ZNF251: variants seen among roughly 807,000 people sequenced by gnomAD.
The protein encoded by ZNF251 is zinc finger protein 251.
A neutral mutation model predicts 13.5 loss-of-function variants in ZNF251; 14 were observed. That is an observed-to-expected ratio of 1.04 (90% confidence interval 0.69 to 1.63). The LOEUF (loss-of-function observed/expected upper bound fraction) is 1.63, where lower values mean the gene tolerates loss of function less well. ZNF251 is among the 40% of genes most tolerant of loss of function. The pLI, the probability that ZNF251 is intolerant of heterozygous loss-of-function variation, is 0.00. For synonymous variants in ZNF251, 287 were observed against 295.2 expected, an observed-to-expected ratio of 0.97 and a Z score of 0.28; for missense variants, 764 against 834.9, an observed-to-expected ratio of 0.92 and a Z score of 1.05.
intron 4 of ZNF251, among the ~76,000 whole-genome samples, chr8:144,724,144 T>G (rs1234052571): frequency 6.7e-6 from 1 of 150,248 alleles, no homozygotes; most frequent in Non-Finnish European, 1.5e-5. Flanking sequence ...CTCAGGAGGC[T>G]GAGGCAGGAG....
Position 144,722,017 on chromosome 8 carries a change from T to C in ZNF251, c.1643A>G (p.Asn548Ser). ...GCGCAGAATGAGATTTGCACCATGG[T>C]TAAAGGCTCTGCCGTGCTTCTCTCC... ...PTGEKHGRAF[N>S]HGANLILRWT... is the part of the protein sequence containing the mutation. Residue 548 changes from asparagine to serine, a missense_variant, in exon 5 of 5, where the codon AAC becomes AGC. Physicochemically the swap from Asn to Ser is conservative, Grantham distance 46. Transcript: ENST00000292562. The surrounding 1 kb of genome is among the most constrained non-coding windows in gnomAD (Gnocchi z 4.8). The C allele has an allele frequency of 1.2e-6, 2 of 1,603,856 alleles. No individual in the cohort carries two copies. Among genetic ancestry groups the C allele is most frequent in the African/African-American group, 1.3e-5 (1 of 74,866 alleles).
chr8:144,725,823 C>T (rs556278316), intron 4 of ZNF251, among the ~76,000 whole-genome samples: 20 of 152,156 alleles, frequency 1.3e-4, no homozygotes, highest in African/African-American at 4.8e-4. Context: ...TGTAAAATCC[C>T]TAAACAAAAT....
chr8:144,728,560 G>A (rs1469626886), intron 4 of ZNF251, among the ~76,000 whole-genome samples: 1 of 151,526 alleles, frequency 6.6e-6, no homozygotes, highest in African/African-American at 2.4e-5. Flanking sequence ...CTACCCGGGA[G>A]GCTGAGGCAG....
At chr8:144,745,009 T>C (rs1007906546) in intron 4 of ZNF251, among the ~76,000 whole-genome samples, 2 of 152,000 alleles carry the variant, frequency 1.3e-5, no homozygotes, top group Non-Finnish European at 2.9e-5. Context: ...TGAGCAGAGA[T>C]TGTGCTACAG....
At chr8:144,723,442 A>G (rs2129922742) in intron 4 of ZNF251, 60 bp from the exon 5 acceptor site, 1 of 1,284,610 alleles carries the variant, frequency 7.8e-7, no homozygotes, top group Non-Finnish European at 1.0e-6. Context: ...CATAATGTCC[A>G]TAATGTGGTA....
Position 144,722,408 on chromosome 8 carries a change from A to C in ZNF251, c.1252T>G (p.Ser418Ala). 1 of 1,613,950 alleles carries C rather than the reference A, an allele frequency of 6.2e-7. No homozygotes were observed. Among genetic ancestry groups the C allele is most frequent in the Non-Finnish European group, 8.5e-7 (1 of 1,179,906 alleles). Residue 418 changes from serine to alanine, a missense_variant, in exon 5 of 5, where the codon TCT becomes GCT. Coordinates refer to ENST00000292562, the MANE Select transcript of ZNF251 (RefSeq NM_138367.2). This position sits in a 1 kb window ranked among gnomAD's most constrained non-coding sequence, Gnocchi z 4.8. ...ATCCTTACGTGTTCAGTAAGATGAG[A>C]GTTAAAACCAAAGGCTCTGCCGCAT... ...NECGRAFGFN[S>A]HLTEHVRIHT...
At chr8:144,726,226 A>G (rs1367440637) in intron 4 of ZNF251, among the ~76,000 whole-genome samples, 1 of 148,338 alleles carries the variant, frequency 6.7e-6, no homozygotes, top group Non-Finnish European at 1.5e-5. Flanking sequence ...AAAAGAATGC[A>G]AAGTTAGTAT....
Position 144,736,511 on chromosome 8 carries a change from G to A in ZNF251, c.278-13129C>T, listed in dbSNP as rs565795057. ...TATTTATTTATTTATTTATTTTTGAGACAGAGTTTCGCTCTTGTTGCCCAG... is the reference window on the plus strand; with the variant it reads ...TATTTATTTATTTATTTATTTTTGAAACAGAGTTTCGCTCTTGTTGCCCAG... On this transcript the variant is annotated intron_variant, in intron 4 of 4. Coordinates refer to ENST00000292562, the MANE Select transcript of ZNF251 (RefSeq NM_138367.2). Among the ~76,000 whole-genome samples, 150 of 145,122 alleles carry A rather than the reference G, an allele frequency of 1.0e-3. 1 individual carries two copies. The Middle Eastern group carries it at 0.014, about 13-fold the overall frequency.
intron 4 of ZNF251, among the ~76,000 whole-genome samples, chr8:144,731,948 A>AT (rs59877504): frequency 0.015 from 2,093 of 141,950 alleles, 20 homozygotes; most frequent in Non-Finnish European, 0.024. Flanking sequence ...TGACAGCTGC[A>AT]TTTTTTTTTT....
intron 4 of ZNF251, among the ~76,000 whole-genome samples, chr8:144,739,071 C>T (rs190121853): frequency 5.3e-5 from 8 of 152,056 alleles, no homozygotes; most frequent in African/African-American, 1.7e-4. Context: ...GGGATGACAT[C>T]GCTCCAACTT....
intron 4 of ZNF251, among the ~76,000 whole-genome samples, chr8:144,729,422 C>A (rs1490101592): frequency 2.0e-5 from 3 of 150,566 alleles, no homozygotes; most frequent in South Asian, 2.1e-4. Context: ...CTGCAAGCTC[C>A]GCCTCCCGGG....
chr8:144,731,957 T>C (rs1026991954), intron 4 of ZNF251, among the ~76,000 whole-genome samples: 1 of 151,680 alleles, frequency 6.6e-6, no homozygotes, highest in Non-Finnish European at 1.5e-5. Flanking sequence ...CATTTTTTTT[T>C]TTTAAGACAG....
chr8:144,752,255 A>T (rs1824734810), intron 4 of ZNF251, among the ~76,000 whole-genome samples: 1 of 151,984 alleles, frequency 6.6e-6, no homozygotes. Flanking sequence ...ATTCTTTTTC[A>T]GTGCACGTGG....
rs373089651 is a variant in ZNF251, at chr8:144,722,441, A to C, written c.1219T>G (p.Cys407Gly). The change falls in exon 5 of 5, where the codon TGT (cysteine) becomes GGT (glycine). Residue 407 changes from cysteine to glycine, a missense_variant. Transcript: ENST00000292562. This position sits in a 1 kb window ranked among gnomAD's most constrained non-coding sequence, Gnocchi z 4.8. ...CCAAAGGCTCTGCCGCATTCATTAC[A>C]TACATAGGGTTTCTCTCCAGTATGA... ...RVHTGEKPYV[C>G]NECGRAFGFN... 16 of 1,613,688 alleles carry C rather than the reference A, an allele frequency of 9.9e-6. No homozygotes were observed. Among genetic ancestry groups the C allele is most frequent in the Non-Finnish European group, 1.3e-5 (15 of 1,179,940 alleles).
rs1055084724 is a variant in ZNF251 at position 144,734,072 on chromosome 8, G to A, written c.278-10690C>T. On this transcript the variant is annotated intron_variant, in intron 4 of 4. Transcript: ENST00000292562. The surrounding 1 kb of genome is among the most constrained non-coding windows in gnomAD (Gnocchi z 4.4). ...CTGAATGACTGTTGGGCAGGTAAGCGTGGCTCTGTGTTTCCGAAATCCTGA... is the reference window on the plus strand; with the variant it reads ...CTGAATGACTGTTGGGCAGGTAAGCATGGCTCTGTGTTTCCGAAATCCTGA... Among the ~76,000 whole-genome samples the A allele has an allele frequency of 5.9e-5, 9 of 152,188 alleles. No individual in the cohort carries two copies. Among genetic ancestry groups the A allele is most frequent in the African/African-American group, 2.2e-4 (9 of 41,454 alleles).
At chr8:144,752,989 G>T (rs1824765826) in intron 4 of ZNF251, among the ~76,000 whole-genome samples, 1 of 151,968 alleles carries the variant, frequency 6.6e-6, no homozygotes, top group African/African-American at 2.4e-5. Flanking sequence ...ATTAAAAAAA[G>T]CCACTGGTCA....
At chr8:144,731,947 C>CTTTTTTT (rs1563758169) in intron 4 of ZNF251, among the ~76,000 whole-genome samples, 6,999 of 136,500 alleles carry the variant, frequency 0.051, 578 homozygotes, top group African/African-American at 0.2. Flanking sequence ...CTGACAGCTG[C>CTTTTTTT]ATTTTTTTTT....
chr8:144,739,985 A>ATT (rs1824082732), intron 4 of ZNF251, among the ~76,000 whole-genome samples: 1 of 152,056 alleles, frequency 6.6e-6, no homozygotes, highest in African/African-American at 2.4e-5. Context: ...AACCACAAAA[A>ATT]TAACAACAGA....
chr8:144,748,746 T>G (rs1407186462), intron 4 of ZNF251, among the ~76,000 whole-genome samples: 1 of 152,100 alleles, frequency 6.6e-6, no homozygotes, highest in Non-Finnish European at 1.5e-5. Context: ...AACTTTTTGA[T>G]GAGATGATTT....
Sources: gnomAD v4.1 joint callset for allele counts (sites outside exome capture counted in the v4.1 genomes callset) on GRCh38, gnomAD v4.1.1 for gene constraint, Gnocchi (gnomAD v3.1) non-coding constraint, MANE v1.5 for transcripts, NCBI Gene and HGNC (gene_info 2026-07-23, HGNC 2026-07-21) for gene names.